Variants in RYR2 observed in about 807,000 individuals in gnomAD.
RYR2 encodes the protein ryanodine receptor 2, also known as cardiac muscle ryanodine receptor-calcium release channel.
A neutral mutation model predicts 601.1 loss-of-function variants in RYR2; 227 were observed. The observed-to-expected ratio is 0.38, with a 90% CI of 0.34 to 0.42. The LOEUF (loss-of-function observed/expected upper bound fraction) is 0.42. Among genes scored for constraint, RYR2 ranks in the 10% least tolerant of loss-of-function variants. The pLI is 1.00. For missense variants in RYR2, 4,646 were observed against 6,156.5 expected, an observed-to-expected ratio of 0.75 and a Z score of 8.21; for synonymous variants, 2,223 against 2,175.1, an observed-to-expected ratio of 1.02 and a Z score of -0.61.
At chr1:237,706,927 A>AT in intron 67 of RYR2, 22 bp from the exon 68 acceptor site, 1 of 1,583,962 alleles carries the variant, frequency 6.3e-7, no homozygotes. Flanking sequence ...AATATCATCC[A>AT]TTTTTATATG....
intron 84 of RYR2, among the ~76,000 whole-genome samples, chr1:237,765,993 G>A (rs1033403330): frequency 2.0e-5 from 3 of 152,110 alleles, no homozygotes; most frequent in African/African-American, 4.8e-5. Flanking sequence ...TGGGGGAGAC[G>A]TGTAGTCTGA....
At chr1:237,070,109 C>T (rs1572523829) in intron 1 of RYR2, among the ~76,000 whole-genome samples, 1 of 149,334 alleles carries the variant, frequency 6.7e-6, no homozygotes, top group Admixed American at 6.7e-5. Context: ...TGGCTCACTG[C>T]AGCCTTGACC....
intron 2 of RYR2, among the ~76,000 whole-genome samples, chr1:237,293,394 A>T (rs1196897305): frequency 6.6e-6 from 1 of 152,038 alleles, no homozygotes; most frequent in Non-Finnish European, 1.5e-5. Flanking sequence ...TTTAGTAGAG[A>T]TAGGGTTTTG....
chr1:237,615,346 T>A (rs1416576410), intron 37 of RYR2, among the ~76,000 whole-genome samples: 1 of 152,066 alleles, frequency 6.6e-6, no homozygotes, highest in South Asian at 2.1e-4. Context: ...TATGCCACCA[T>A]GCCCAGTTAA....
intron 1 of RYR2, among the ~76,000 whole-genome samples, chr1:237,203,774 G>T (rs1349352926): frequency 6.6e-6 from 1 of 152,106 alleles, no homozygotes; most frequent in South Asian, 2.1e-4. Context: ...TTTGAGAAAT[G>T]TATACACACA....
At chr1:237,775,075 C>CAAAAAAAAAA (rs5781992) in intron 87 of RYR2, among the ~76,000 whole-genome samples, 16 of 90,414 alleles carry the variant, frequency 1.8e-4, no homozygotes, top group East Asian at 7.0e-4. Flanking sequence ...CAATAAGAAC[C>CAAAAAAAAAA]AAAAAAAAAA....
Position 237,617,276 on chromosome 1 carries a change from G to T in RYR2, c.5716-10G>T. 2 of 1,597,112 alleles carry T rather than the reference G, an allele frequency of 1.3e-6. No individual in the cohort carries two copies. The highest frequency in any genetic ancestry group is 8.5e-7 in the Non-Finnish European group (1 of 1,171,612). Reference sequence around the variant, plus strand: ...AAATTAAATTTGGTGTCTTTTTAATGGTCTCTTAGATGTGCCTACTGCTTC... The same window carrying T: ...AAATTAAATTTGGTGTCTTTTTAATTGTCTCTTAGATGTGCCTACTGCTTC... On this transcript the variant is annotated splice_polypyrimidine_tract_variant and intron_variant, in intron 37 of 104. Transcript: ENST00000366574.
intron 24 of RYR2, among the ~76,000 whole-genome samples, chr1:237,516,343 C>T (rs904548364): frequency 6.6e-6 from 1 of 151,912 alleles, no homozygotes; most frequent in Admixed American, 6.6e-5. Context: ...GGTCTCAAAC[C>T]CCTGGCCTCA....
chr1:237,188,423 T>G (rs1428135179), intron 1 of RYR2, among the ~76,000 whole-genome samples: 1 of 152,226 alleles, frequency 6.6e-6, no homozygotes, highest in Non-Finnish European at 1.5e-5. Flanking sequence ...AGGATGTGAC[T>G]GCACCAAACC....
intron 3 of RYR2, among the ~76,000 whole-genome samples, chr1:237,345,101 G>A (rs1045265357): frequency 3.3e-5 from 5 of 152,184 alleles, no homozygotes; most frequent in South Asian, 2.1e-4. Flanking sequence ...GAGCCACTGC[G>A]CCCAGCCTGT....
At chr1:237,812,242 G>A (rs1574056666) in intron 100 of RYR2, among the ~76,000 whole-genome samples, 1 of 152,146 alleles carries the variant, frequency 6.6e-6, no homozygotes, top group Non-Finnish European at 1.5e-5. Context: ...CTCACAGATA[G>A]TAACTTCATT....
chr1:237,372,229 C>A (rs1227997809), intron 6 of RYR2, among the ~76,000 whole-genome samples: 1 of 152,092 alleles, frequency 6.6e-6, no homozygotes, highest in African/African-American at 2.4e-5. Context: ...TTAATAATAT[C>A]ATTTCTTTTA....
intron 24 of RYR2, among the ~76,000 whole-genome samples, chr1:237,525,985 A>AT (rs1667548329): frequency 2.0e-5 from 1 of 51,164 alleles, no homozygotes; most frequent in African/African-American, 5.8e-5. Context: ...CTCAAAAAAA[A>AT]AAAATAATAA....
At chr1:237,753,321 C>T (rs1434040850) in intron 80 of RYR2, among the ~76,000 whole-genome samples, 1 of 152,130 alleles carries the variant, frequency 6.6e-6, no homozygotes, top group Non-Finnish European at 1.5e-5. Context: ...GACAAGTTGT[C>T]GAAGAACTAA....
Position 237,387,446 on chromosome 1 carries a change from G to A in RYR2, c.676+66G>A, listed in dbSNP as rs1702033136. ...AAAGTTGACAGTCATCTTTGGAATT[G>A]TGATAATGAGCTGATTGTTAATTAG... On this transcript the variant is annotated intron_variant, in intron 9 of 104. Transcript: ENST00000366574. 2.2e-6 allele frequency: 3 copies of A among 1,384,722 alleles called. 1 individual carries two copies. The highest frequency in any genetic ancestry group is 2.3e-5 in the East Asian group (1 of 43,520). The allele number at this position is 1,384,722 out of a possible 1,614,324, so 85.8% of individuals were successfully genotyped here. A position where few individuals can be genotyped will look rare whatever the true frequency, so the allele number is the denominator to read the frequency against.
chr1:237,442,488 G>A (rs1707999005), intron 13 of RYR2, among the ~76,000 whole-genome samples: 1 of 152,076 alleles, frequency 6.6e-6, no homozygotes, highest in Admixed American at 6.5e-5. Flanking sequence ...GACATCCACA[G>A]TACAGTTACA....
At chr1:237,314,627 G>A (rs548327998) in intron 2 of RYR2, among the ~76,000 whole-genome samples, 3 of 152,138 alleles carry the variant, frequency 2.0e-5, no homozygotes, top group African/African-American at 4.8e-5. Flanking sequence ...CAGGTGCATC[G>A]TAAATTGAAG....
chr1:237,272,322 CAA>C (rs56155088), intron 2 of RYR2, among the ~76,000 whole-genome samples: 1 of 142,076 alleles, frequency 7.0e-6, no homozygotes. Context: ...AGGATCGAAC[CAA>C]AAAAAAAATA....
intron 2 of RYR2, among the ~76,000 whole-genome samples, chr1:237,273,302 C>G (rs1689897409): frequency 6.6e-6 from 1 of 152,156 alleles, no homozygotes; most frequent in Non-Finnish European, 1.5e-5. Context: ...CTGATGATCT[C>G]ACAGGACGCA....
Sources: allele counts gnomAD v4.1 joint callset (sites outside exome capture counted in the v4.1 genomes callset), GRCh38; gene constraint gnomAD v4.1.1; transcripts MANE v1.5; gene names NCBI Gene and HGNC (gene_info 2026-07-23, HGNC 2026-07-21).